TSPAN5: variants seen among roughly 807,000 people sequenced by gnomAD.
TSPAN5 encodes the protein tetraspanin 5, also known as tetraspanin-5.
Under a neutral mutation model 37.1 loss-of-function variants are expected in TSPAN5, and 10 were observed. That is an observed-to-expected ratio of 0.27 (90% CI 0.17 to 0.46). TSPAN5 has a LOEUF of 0.46. TSPAN5 is among the 20% of genes least tolerant of loss of function. TSPAN5 has a pLI of 1.00. For missense variants in TSPAN5, 195 were observed against 326.6 expected (o/e 0.60, Z 3.11); for synonymous variants, 110 against 118.9 (o/e 0.93, Z 0.48).
At chr4:98,489,509 A>G (rs924655133) in intron 2 of TSPAN5, among the ~76,000 whole-genome samples, 2 of 152,108 alleles carry the variant, frequency 1.3e-5, no homozygotes, top group Non-Finnish European at 2.9e-5. Context: ...TTTTCACTCT[A>G]TTAAATCTTG....
intron 1 of TSPAN5, among the ~76,000 whole-genome samples, chr4:98,572,383 C>T (rs1338588951): frequency 6.6e-6 from 1 of 152,170 alleles, no homozygotes; most frequent in African/African-American, 2.4e-5. Context: ...GATTAAAGAG[C>T]TTTAATTAAT....
intron 1 of TSPAN5, among the ~76,000 whole-genome samples, chr4:98,548,573 G>A (rs1165343630): frequency 2.0e-5 from 3 of 151,900 alleles, no homozygotes; most frequent in Non-Finnish European, 4.4e-5. Flanking sequence ...TTTCTTACAT[G>A]CATATATTGC....
In TSPAN5 at chr4:98,610,456, T is replaced by G. The variant is rs552374377; in HGVS notation, c.81+47690A>C. ...TAGGAAAAATCTTTCTTTAACAACT[T>G]AATGACAGGTAAATCAACTCCAACT... is the stretch of plus-strand genomic sequence containing the variant. On this transcript the variant is annotated intron_variant, in intron 1 of 7. Coordinates refer to ENST00000305798, the MANE Select transcript of TSPAN5 (RefSeq NM_005723.4). 2.6e-5 allele frequency among the ~76,000 whole-genome samples: 4 copies of G among 152,350 alleles called. No homozygotes were observed. In the South Asian group the frequency reaches 8.3e-4, roughly 32 times the overall value.
At chr4:98,564,087 T>TTA (rs1754942768) in intron 1 of TSPAN5, among the ~76,000 whole-genome samples, 1 of 152,208 alleles carries the variant, frequency 6.6e-6, no homozygotes, top group East Asian at 1.9e-4. Flanking sequence ...GGGAGACAGT[T>TTA]ATCACACTAT....
intron 1 of TSPAN5, among the ~76,000 whole-genome samples, chr4:98,561,562 G>A (rs1033247617): frequency 1.1e-4 from 16 of 152,184 alleles, no homozygotes; most frequent in African/African-American, 2.7e-4. Flanking sequence ...TTATGACAGC[G>A]ACACTTTAAA....
chr4:98,614,291 C>A (rs888335755), intron 1 of TSPAN5, among the ~76,000 whole-genome samples: 6 of 152,232 alleles, frequency 3.9e-5, no homozygotes, highest in Non-Finnish European at 7.3e-5. Context: ...GTAAGTCAGA[C>A]TCACAGGCTC....
intron 1 of TSPAN5, among the ~76,000 whole-genome samples, chr4:98,605,304 A>G (rs1756006099): frequency 6.6e-6 from 1 of 152,218 alleles, no homozygotes; most frequent in Admixed American, 6.5e-5. Flanking sequence ...TTATCAACCA[A>G]CAACTTGGCT....
chr4:98,615,741 T>C (rs368519168), intron 1 of TSPAN5, among the ~76,000 whole-genome samples: 1 of 152,116 alleles, frequency 6.6e-6, no homozygotes, highest in African/African-American at 2.4e-5. Flanking sequence ...TTACTTTTTG[T>C]ATACACACAC....
At chr4:98,537,263 C>A (rs1293009318) in intron 1 of TSPAN5, among the ~76,000 whole-genome samples, 1 of 152,172 alleles carries the variant, frequency 6.6e-6, no homozygotes, top group South Asian at 2.1e-4. Flanking sequence ...CGACCCCTTG[C>A]GCTTCCCGGG....
chr4:98,556,611 A>G (rs1380001845), intron 1 of TSPAN5, among the ~76,000 whole-genome samples: 1 of 152,212 alleles, frequency 6.6e-6, no homozygotes, highest in Non-Finnish European at 1.5e-5. Context: ...TTTTCTGTTA[A>G]CATTCTTTTA....
At chr4:98,571,537 TTTA>T (rs1378955105) in intron 1 of TSPAN5, among the ~76,000 whole-genome samples, 3 of 151,986 alleles carry the variant, frequency 2.0e-5, no homozygotes, top group South Asian at 2.1e-4. Context: ...TAACAGCATT[TTTA>T]TTATACCATT....
chr4:98,576,746 C>T (rs1755245564), intron 1 of TSPAN5, among the ~76,000 whole-genome samples: 1 of 151,980 alleles, frequency 6.6e-6, no homozygotes, highest in African/African-American at 2.4e-5. Flanking sequence ...CAGCATACAC[C>T]TATTTATTAC....
intron 1 of TSPAN5, chr4:98,574,365 T>C (rs925599614): frequency 6.6e-6 from 1 of 152,222 alleles, no homozygotes; most frequent in African/African-American, 2.4e-5. Flanking sequence ...CACTTACCTT[T>C]CTCACGTGTG....
intron 1 of TSPAN5, among the ~76,000 whole-genome samples, chr4:98,511,353 A>G (rs1353087503): frequency 1.3e-5 from 2 of 152,214 alleles, no homozygotes; most frequent in Non-Finnish European, 2.9e-5. Context: ...ACACAAGCCT[A>G]GATGGTACAG....
intron 1 of TSPAN5, among the ~76,000 whole-genome samples, chr4:98,655,376 A>G (rs1386551514): frequency 1.3e-5 from 2 of 152,194 alleles, no homozygotes; most frequent in African/African-American, 4.8e-5. Context: ...CATTCTGTGT[A>G]AGAACTAGAA....
intron 1 of TSPAN5, among the ~76,000 whole-genome samples, chr4:98,594,229 G>T (rs1755713919): frequency 7.5e-6 from 1 of 133,076 alleles, no homozygotes. Context: ...CCTATGATTT[G>T]GCTCTCTGTT....
rs190734290 is a variant in TSPAN5, at chr4:98,533,883, C to G, written c.82-26155G>C. Among the ~76,000 whole-genome samples, 3 of 124,336 alleles carry G rather than the reference C, an allele frequency of 2.4e-5. No individual in the cohort carries two copies. In the Admixed American group the frequency reaches 3.0e-4, roughly 13 times the overall value. The allele number at this position is 124,336 out of a possible 152,430, so 81.6% of individuals were successfully genotyped here. A position where few individuals can be genotyped will look rare whatever the true frequency, so the allele number is the denominator to read the frequency against. ...CATTTTTTATTGCATCTATTTGATT[C>G]TTCTCTCTTTTCTTCTTTATTAGTC... On this transcript the variant is annotated intron_variant, in intron 1 of 7. Coordinates refer to ENST00000305798, the MANE Select transcript of TSPAN5 (RefSeq NM_005723.4).
At chr4:98,473,706 G>A (rs767849849) in intron 7 of TSPAN5, among the ~76,000 whole-genome samples, 1 of 152,138 alleles carries the variant, frequency 6.6e-6, no homozygotes, top group Non-Finnish European at 1.5e-5. Flanking sequence ...TGATCCACCC[G>A]CCTCGGCCTT....
intron 1 of TSPAN5, among the ~76,000 whole-genome samples, chr4:98,638,900 C>T (rs1456011407): frequency 6.6e-6 from 1 of 152,220 alleles, no homozygotes; most frequent in African/African-American, 2.4e-5. Flanking sequence ...ATGGCAGCTG[C>T]ACATGCAGTG....
Sources: allele counts gnomAD v4.1 joint callset (sites outside exome capture counted in the v4.1 genomes callset), GRCh38; gene constraint gnomAD v4.1.1; transcripts MANE v1.5; gene names NCBI Gene and HGNC (gene_info 2026-07-23, HGNC 2026-07-21).